TRDN: variants seen among roughly 807,000 people sequenced by gnomAD.
The protein encoded by TRDN is triadin in skeletal muscle.
TRDN carries 161 observed loss-of-function variants against 149.7 expected under a neutral mutation model. The ratio of observed to expected loss-of-function variants is 1.08; its 90% CI spans 0.95 to 1.23. The LOEUF is 1.23. TRDN is among the 50% of genes most tolerant of loss of function. TRDN has a pLI of 0.00. For synonymous variants in TRDN, 294 were observed against 250.5 expected, an observed-to-expected ratio of 1.17 and a Z score of -1.64; for missense variants, 896 against 823.5, an observed-to-expected ratio of 1.09 and a Z score of -1.08.
chr6:123,472,323 C>T (rs1397841015), intron 9 of TRDN, among the ~76,000 whole-genome samples: 1 of 152,208 alleles, frequency 6.6e-6, no homozygotes, highest in Non-Finnish European at 1.5e-5. Flanking sequence ...GGGTGACGGA[C>T]AGCACCTGGA....
At chr6:123,246,570 C>A (rs1776189834) in intron 38 of TRDN, among the ~76,000 whole-genome samples, 1 of 151,734 alleles carries the variant, frequency 6.6e-6, no homozygotes, top group African/African-American at 2.4e-5. Flanking sequence ...ATAAAACGTT[C>A]TGAAATTGAG....
intron 24 of TRDN, among the ~76,000 whole-genome samples, chr6:123,308,646 GCACT>G (rs1778703574): frequency 6.6e-6 from 1 of 151,906 alleles, no homozygotes; most frequent in Non-Finnish European, 1.5e-5. Context: ...GTCTCCACAA[GCACT>G]CACCCCACTT....
At chr6:123,318,870 C>T (rs1890467) in intron 23 of TRDN, among the ~76,000 whole-genome samples, 141,293 of 152,118 alleles carry the variant, frequency 0.93, 65,678 homozygotes, top group East Asian at 0.99. Context: ...GTAAGCACTC[C>T]TATGAAAAGG....
intron 10 of TRDN, chr6:123,457,669 A>G (rs1001099767): frequency 5.2e-6 from 2 of 387,386 alleles, no homozygotes; most frequent in East Asian, 7.5e-5. Flanking sequence ...ACTAAGCTGA[A>G]TTATACTTGT....
At chr6:123,397,715 T>C (rs528905845) in intron 12 of TRDN, among the ~76,000 whole-genome samples, 2 of 152,316 alleles carry the variant, frequency 1.3e-5, no homozygotes, top group South Asian at 2.1e-4. Context: ...TAGTAGAATA[T>C]ATGGTAACCC....
chr6:123,333,932 G>A (rs1440619361), intron 22 of TRDN, among the ~76,000 whole-genome samples: 1 of 151,992 alleles, frequency 6.6e-6, no homozygotes, highest in East Asian at 1.9e-4. Context: ...ATATAAAGTG[G>A]AACTCTGTCA....
At chr6:123,417,366 A>C (rs543791736) in intron 12 of TRDN, among the ~76,000 whole-genome samples, 2 of 152,290 alleles carry the variant, frequency 1.3e-5, no homozygotes, top group Non-Finnish European at 2.9e-5. Flanking sequence ...TTTTACTTTC[A>C]GCTAACTGAG....
chr6:123,244,099 A>G (rs1006877577), intron 38 of TRDN, among the ~76,000 whole-genome samples: 2 of 152,238 alleles, frequency 1.3e-5, no homozygotes, highest in Admixed American at 6.5e-5. Context: ...GGTCACCAAC[A>G]ACAAAGATCA....
At chr6:123,468,132 T>A (rs1023176370) in intron 9 of TRDN, among the ~76,000 whole-genome samples, 3 of 152,168 alleles carry the variant, frequency 2.0e-5, no homozygotes, top group Admixed American at 2.0e-4. Flanking sequence ...GAAGCTGACT[T>A]TTGAAGAAAA....
intron 24 of TRDN, among the ~76,000 whole-genome samples, chr6:123,286,350 A>G (rs945624865): frequency 1.3e-5 from 2 of 152,084 alleles, no homozygotes; most frequent in South Asian, 2.1e-4. Context: ...TCAGACATAA[A>G]AAGGAACGAA....
intron 24 of TRDN, among the ~76,000 whole-genome samples, chr6:123,292,572 G>A (rs1367664): frequency 0.18 from 27,908 of 152,002 alleles, 3,381 homozygotes; most frequent in East Asian, 0.62. Context: ...CCCCTGTTTA[G>A]CCAGGAGACT....
intron 1 of TRDN, among the ~76,000 whole-genome samples, chr6:123,571,531 CAGA>C (rs1782579466): frequency 6.6e-6 from 1 of 151,764 alleles, no homozygotes; most frequent in Non-Finnish European, 1.5e-5. Context: ...TGTAGGGGCA[CAGA>C]AGATCTAAGA....
chr6:123,531,302 T>C (rs748710250), intron 4 of TRDN, among the ~76,000 whole-genome samples: 138 of 152,168 alleles, frequency 9.1e-4, no homozygotes, highest in Non-Finnish European at 9.6e-4. Context: ...ATCTTAAATA[T>C]AGTGTTTTTT....
chr6:123,357,775 A>G (rs1780739944), intron 20 of TRDN, among the ~76,000 whole-genome samples: 1 of 152,176 alleles, frequency 6.6e-6, no homozygotes, highest in Admixed American at 6.5e-5. Flanking sequence ...ATGTCTCAGA[A>G]AACAACTGAA....
intron 38 of TRDN, among the ~76,000 whole-genome samples, chr6:123,239,752 C>A (rs768206842): frequency 4.0e-5 from 6 of 151,744 alleles, no homozygotes; most frequent in Non-Finnish European, 7.4e-5. Context: ...TGAAATAGTG[C>A]TTAAAGGAAA....
chr6:123,569,722 G>C (rs1026891242), intron 2 of TRDN, among the ~76,000 whole-genome samples: 2 of 152,044 alleles, frequency 1.3e-5, no homozygotes, highest in Admixed American at 1.3e-4. Context: ...GAGTGGAGCA[G>C]GGAGGTGCCA....
intron 20 of TRDN, among the ~76,000 whole-genome samples, chr6:123,360,148 T>C (rs541500208): frequency 1.4e-4 from 22 of 152,310 alleles, no homozygotes; most frequent in African/African-American, 4.8e-4. Context: ...CCAGCATGCA[T>C]TAGCTATTGT....
chr6:123,599,277 G>A (rs9490830), intron 1 of TRDN, among the ~76,000 whole-genome samples: 8,694 of 151,972 alleles, frequency 0.057, 802 homozygotes, highest in African/African-American at 0.2. Context: ...CTGCTTTTTC[G>A]TGGATATGAT....
At chr6:123,496,263 G>A (rs1185036998) in intron 9 of TRDN, among the ~76,000 whole-genome samples, 1 of 151,272 alleles carries the variant, frequency 6.6e-6, no homozygotes, top group African/African-American at 2.4e-5. Context: ...ATTTTCCGGA[G>A]TGCAAAGGTT....
Sources: gnomAD v4.1 joint callset for allele counts (sites outside exome capture counted in the v4.1 genomes callset) on GRCh38, gnomAD v4.1.1 for gene constraint, MANE v1.5 for transcripts, NCBI Gene and HGNC (gene_info 2026-07-23, HGNC 2026-07-21) for gene names.